The following AGAP1 variants were observed in gnomAD, a reference collection of about 807,000 sequenced individuals.
The protein encoded by AGAP1 is arf-GAP with GTPase, ANK repeat and PH domain-containing protein 1.
Under a neutral mutation model 105.3 loss-of-function variants are expected in AGAP1, and 29 were observed. The ratio of observed to expected loss-of-function variants is 0.28; its 90% confidence interval spans 0.21 to 0.38. The LOEUF (loss-of-function observed/expected upper bound fraction) is 0.38. AGAP1 is among the 10% of genes least tolerant of loss of function. AGAP1 has a pLI of 1.00. For synonymous variants in AGAP1, 509 were observed against 485.9 expected (o/e 1.05, Z -0.63); for missense variants, 998 against 1,165.1 (o/e 0.86, Z 2.09).
At chr2:235,592,557 G>A (rs1945383407) in intron 1 of AGAP1, among the ~76,000 whole-genome samples, 1 of 152,176 alleles carries the variant, frequency 6.6e-6, no homozygotes, top group African/African-American at 2.4e-5. Flanking sequence ...TCTCCCTAAG[G>A]AGTCAGCCAA....
chr2:235,745,678 A>G (rs1229675778), intron 5 of AGAP1, among the ~76,000 whole-genome samples: 1 of 152,242 alleles, frequency 6.6e-6, no homozygotes, highest in Non-Finnish European at 1.5e-5. Flanking sequence ...CCTATCTGAC[A>G]TGCCCATCCA....
At chr2:235,604,572 CTTTTTTTTTTT>C (rs1166523228) in intron 1 of AGAP1, among the ~76,000 whole-genome samples, 26 of 69,672 alleles carry the variant, frequency 3.7e-4, no homozygotes, top group South Asian at 6.8e-4. Flanking sequence ...TTTTTATTAT[CTTTTTTTTTTT>C]TTTTTTTTTT....
chr2:235,671,206 C>T, intron 1 of AGAP1: 1 of 952,418 alleles, frequency 1.0e-6, no homozygotes. Context: ...TTTTCCCCAG[C>T]AGGGCGCAGC....
Position 235,843,593 on chromosome 2 carries a change from G to A in AGAP1, c.1050+36262G>A, listed in dbSNP as rs1184329280. ...TCTAGGTGCCCTGTCTTGGCCAGCA[G>A]CACTTGCCTTCTCTTCCCCATCATC... On this transcript the variant is annotated intron_variant, in intron 9 of 17. Coordinates refer to ENST00000304032, the MANE Select transcript of AGAP1 (RefSeq NM_001037131.3). The surrounding 1 kb of genome is among the most constrained non-coding windows in gnomAD (Gnocchi z 5.9). 1.3e-5 allele frequency among the ~76,000 whole-genome samples: 2 copies of A among 152,120 alleles called. No homozygotes were observed. Among genetic ancestry groups the A allele is most frequent in the Non-Finnish European group, 2.9e-5 (2 of 68,020 alleles).
Position 236,131,579 on chromosome 2 carries a change from A to G in AGAP1, c.*7457A>G, listed in dbSNP as rs1227797231. The G allele has an allele frequency of 1.3e-5, 2 of 152,160 alleles. No individual in the cohort carries two copies. Among genetic ancestry groups the G allele is most frequent in the Non-Finnish European group, 2.9e-5 (2 of 68,028 alleles). The allele number at this position is 152,160 out of a possible 1,614,324, so 9.4% of individuals were successfully genotyped here. A position where few individuals can be genotyped will look rare whatever the true frequency, so the allele number is the denominator to read the frequency against. ...CTTTATTTATATTGTTTGTACTGTA[A>G]TTAAAACCATTGACAGACATTTCAC... On this transcript the variant is annotated 3_prime_UTR_variant, in exon 18 of 18. Transcript: ENST00000304032. This position sits in a 1 kb window ranked among gnomAD's most constrained non-coding sequence, Gnocchi z 5.9.
rs141204953 is a variant in AGAP1, at chr2:235,587,611, C to T, written c.163+92762C>T. Among the ~76,000 whole-genome samples, 16 of 152,076 alleles carry T rather than the reference C, an allele frequency of 1.1e-4. No individual in the cohort carries two copies. The East Asian group carries it at 2.3e-3, about 22-fold the overall frequency. On this transcript the variant is annotated intron_variant, in intron 1 of 17. Coordinates refer to ENST00000304032, the MANE Select transcript of AGAP1 (RefSeq NM_001037131.3). ...TACTGAAAATACTTAAAAAATTAGC[C>T]GGGCATTGTGGCAGGCACCTGTAAT...
chr2:235,702,611 T>C (rs1950307100), intron 1 of AGAP1, among the ~76,000 whole-genome samples: 1 of 152,248 alleles, frequency 6.6e-6, no homozygotes, highest in South Asian at 2.1e-4. Flanking sequence ...CTAGAATTTT[T>C]GGTATATGTT....
At chr2:235,730,439 A>G (rs1444367053) in intron 3 of AGAP1, among the ~76,000 whole-genome samples, 3 of 146,358 alleles carry the variant, frequency 2.0e-5, no homozygotes, top group Non-Finnish European at 3.0e-5. Context: ...GGAGTTAGGC[A>G]CTTTCTCCAG....
In AGAP1 at chr2:235,967,071, C is replaced by T. The variant is rs1004795666; in HGVS notation, c.1484-1391C>T. On this transcript the variant is annotated intron_variant, in intron 12 of 17. Transcript: ENST00000304032. The surrounding 1 kb of genome is among the most constrained non-coding windows in gnomAD (Gnocchi z 4.7). ...CTCCCCATTCCCCCCAAAGCACAGG[C>T]GAGGGTCCTCACGGTGGCCCGCAAG... Among the ~76,000 whole-genome samples the T allele has an allele frequency of 1.4e-4, 22 of 152,098 alleles. No homozygotes were observed. Among genetic ancestry groups the T allele is most frequent in the Non-Finnish European group, 2.5e-4 (17 of 68,016 alleles).
At chr2:235,684,110 C>T (rs543732915) in intron 1 of AGAP1, among the ~76,000 whole-genome samples, 4 of 152,250 alleles carry the variant, frequency 2.6e-5, no homozygotes, top group Admixed American at 1.3e-4. Flanking sequence ...CGCACGATCT[C>T]GGCTCACTGC....
intron 1 of AGAP1, among the ~76,000 whole-genome samples, chr2:235,647,839 G>A (rs1476774212): frequency 1.3e-5 from 2 of 152,078 alleles, no homozygotes; most frequent in African/African-American, 4.8e-5. Context: ...CCTGGTGGCA[G>A]CCTAGGGATC....
rs944447516 is a variant in AGAP1, at chr2:235,818,907, A to G, written c.1050+11576A>G. On this transcript the variant is annotated intron_variant, in intron 9 of 17. Coordinates refer to ENST00000304032, the MANE Select transcript of AGAP1 (RefSeq NM_001037131.3). ...TCTTTTCTGTGCAAGATCAAGCATCAAGTACACAGTGTACTTTCCTGGTGG... is the reference window on the plus strand; with the variant it reads ...TCTTTTCTGTGCAAGATCAAGCATCGAGTACACAGTGTACTTTCCTGGTGG... 1.4e-4 allele frequency among the ~76,000 whole-genome samples: 22 copies of G among 152,142 alleles called. No individual in the cohort carries two copies. In the East Asian group the frequency reaches 4.1e-3, roughly 28 times the overall value.
At chr2:235,822,710 A>C (rs1958862930) in intron 9 of AGAP1, among the ~76,000 whole-genome samples, 1 of 152,280 alleles carries the variant, frequency 6.6e-6, no homozygotes, top group South Asian at 2.1e-4. Flanking sequence ...GAAGAAGCTC[A>C]GTGGTGAAGA....
At position 235,824,637 on chromosome 2, in the gene AGAP1, A is replaced by G. The variant is rs955304505; in HGVS notation, c.1050+17306A>G. ...GATTTGGTGATTCCCTCGGGTCTGC[A>G]TGCTCCTTTTCCCCCTTTTTGTTGT... On this transcript the variant is annotated intron_variant, in intron 9 of 17. Transcript: ENST00000304032. The surrounding 1 kb of genome is among the most constrained non-coding windows in gnomAD (Gnocchi z 5.2). Among the ~76,000 whole-genome samples the G allele has an allele frequency of 3.3e-5, 5 of 152,304 alleles. No individual in the cohort carries two copies. Among genetic ancestry groups the G allele is most frequent in the Admixed American group, 6.5e-5 (1 of 15,298 alleles).
chr2:235,662,481 C>A lies in AGAP1; in HGVS notation c.164-46698C>A, dbSNP rs926030130. On this transcript the variant is annotated intron_variant, in intron 1 of 17. Coordinates refer to ENST00000304032, the MANE Select transcript of AGAP1 (RefSeq NM_001037131.3). This position sits in a 1 kb window ranked among gnomAD's most constrained non-coding sequence, Gnocchi z 4.2. ...GCCATCCCAATTTAGTTTATCATTCCCCTACTTGGTCTGTCTGCCTTCATG... is the reference window on the plus strand; with the variant it reads ...GCCATCCCAATTTAGTTTATCATTCACCTACTTGGTCTGTCTGCCTTCATG... Among the ~76,000 whole-genome samples, 6 of 151,840 alleles carry A rather than the reference C, an allele frequency of 4.0e-5. No homozygotes were observed. The highest frequency in any genetic ancestry group is 8.8e-5 in the Non-Finnish European group (6 of 68,000).
In AGAP1 at chr2:235,733,810, G is replaced by A. The variant is rs1952088116; in HGVS notation, c.311-7153G>A. Among the ~76,000 whole-genome samples, 1 of 152,062 alleles carries A rather than the reference G, an allele frequency of 6.6e-6. No homozygotes were observed. The highest frequency in any genetic ancestry group is 2.1e-4 in the South Asian group (1 of 4,822). The stretch of plus-strand genomic sequence containing the variant: ...CACTCACTGCTGGTACCTTTGTGTA[G>A]TAGTTACTTTGTATTTTACAATGTA... On this transcript the variant is annotated intron_variant, in intron 3 of 17. Coordinates refer to ENST00000304032, the MANE Select transcript of AGAP1 (RefSeq NM_001037131.3). This position sits in a 1 kb window ranked among gnomAD's most constrained non-coding sequence, Gnocchi z 5.0.
At chr2:235,898,540 A>G (rs2050917898) in intron 10 of AGAP1, among the ~76,000 whole-genome samples, 1 of 134,186 alleles carries the variant, frequency 7.5e-6, no homozygotes, top group South Asian at 2.4e-4. Context: ...AACCCTAATG[A>G]CTTATCATGT....
chr2:235,797,692 T>C, intron 6 of AGAP1, 67 bp from the exon 7 acceptor site: 1 of 1,594,856 alleles, frequency 6.3e-7, no homozygotes, highest in Admixed American at 1.7e-5. Context: ...AGACTGATGA[T>C]CTCTGCTCTG....
intron 1 of AGAP1, among the ~76,000 whole-genome samples, chr2:235,595,993 G>T (rs1945514291): frequency 6.6e-6 from 1 of 152,182 alleles, no homozygotes; most frequent in African/African-American, 2.4e-5. Context: ...ACAGGGGCCG[G>T]CAGATGTTTC....
Sources: gnomAD v4.1 joint callset for allele counts (sites outside exome capture counted in the v4.1 genomes callset) on GRCh38, gnomAD v4.1.1 for gene constraint, Gnocchi (gnomAD v3.1) non-coding constraint, MANE v1.5 for transcripts, NCBI Gene and HGNC (gene_info 2026-07-23, HGNC 2026-07-21) for gene names.